Variants in NCALD observed in about 807,000 individuals in gnomAD.
NCALD encodes neurocalcin-delta.
In NCALD, 10 loss-of-function variants were observed where a neutral mutation model predicts 18.6. The observed-to-expected ratio is 0.54, with a 90% confidence interval of 0.33 to 0.91. The LOEUF (loss-of-function observed/expected upper bound fraction) is 0.91. NCALD is among the 40% of genes least tolerant of loss of function. The pLI, the probability that NCALD is intolerant of heterozygous loss-of-function variation, is 0.03. For missense variants in NCALD, 184 were observed against 247.6 expected, an observed-to-expected ratio of 0.74 and a Z score of 1.72; for synonymous variants, 88 against 87.4, an observed-to-expected ratio of 1.01 and a Z score of -0.04.
intron 1 of NCALD, among the ~76,000 whole-genome samples, chr8:102,037,279 T>G (rs1170382336): frequency 6.6e-6 from 1 of 152,198 alleles, no homozygotes. Context: ...CATAGAAAAG[T>G]TAAGTAACTT....
chr8:102,001,384 C>A (rs1223721498), intron 2 of NCALD, among the ~76,000 whole-genome samples: 1 of 152,152 alleles, frequency 6.6e-6, no homozygotes, highest in South Asian at 2.1e-4. Flanking sequence ...TGTGAAAAGA[C>A]CAAATCTACG....
intron 1 of NCALD, among the ~76,000 whole-genome samples, chr8:102,074,573 G>T (rs1188194284): frequency 2.0e-5 from 3 of 152,090 alleles, no homozygotes; most frequent in Non-Finnish European, 4.4e-5. Flanking sequence ...CCAGACTGAT[G>T]ACCTGTATAC....
At chr8:102,058,175 G>A (rs1434832803) in intron 1 of NCALD, among the ~76,000 whole-genome samples, 3 of 152,212 alleles carry the variant, frequency 2.0e-5, no homozygotes, top group Non-Finnish European at 4.4e-5. Flanking sequence ...AGAAAGGAAG[G>A]TGAGCAAGAT....
At chr8:102,106,073 A>G (rs561890219) in intron 1 of NCALD, among the ~76,000 whole-genome samples, 2 of 143,904 alleles carry the variant, frequency 1.4e-5, no homozygotes, top group African/African-American at 5.1e-5. Flanking sequence ...TAGAACAACA[A>G]TTTTTTTTTT....
intron 1 of NCALD, among the ~76,000 whole-genome samples, chr8:101,724,330 T>C (rs76440624): frequency 2.0e-5 from 3 of 152,322 alleles, no homozygotes; most frequent in Non-Finnish European, 4.4e-5. Flanking sequence ...TCAAAAAAGT[T>C]TGTAGATAAC....
At chr8:101,695,535 C>T (rs1814950317) in intron 2 of NCALD, among the ~76,000 whole-genome samples, 1 of 152,126 alleles carries the variant, frequency 6.6e-6, no homozygotes, top group African/African-American at 2.4e-5. Flanking sequence ...ATTCTTCTCT[C>T]ACCTGAGTGC....
At chr8:101,756,929 G>A (rs1810906993) in intron 1 of NCALD, among the ~76,000 whole-genome samples, 1 of 152,212 alleles carries the variant, frequency 6.6e-6, no homozygotes, top group Admixed American at 6.5e-5. Context: ...CAACATGGGT[G>A]TGGCTGAGAA....
At chr8:102,013,977 G>T (rs1210861920) in intron 2 of NCALD, among the ~76,000 whole-genome samples, 1 of 152,212 alleles carries the variant, frequency 6.6e-6, no homozygotes, top group Non-Finnish European at 1.5e-5. Flanking sequence ...CTCTTGGCAA[G>T]AAGCTTGTCA....
chr8:101,835,109 A>G (rs1355004912), intron 4 of NCALD, among the ~76,000 whole-genome samples: 1 of 152,258 alleles, frequency 6.6e-6, no homozygotes, highest in African/African-American at 2.4e-5. Flanking sequence ...AATCTTACAT[A>G]GAAGTCCAAT....
At chr8:102,035,951 C>T (rs1252827480) in intron 1 of NCALD, among the ~76,000 whole-genome samples, 2 of 151,908 alleles carry the variant, frequency 1.3e-5, no homozygotes, top group Non-Finnish European at 2.9e-5. Flanking sequence ...TAATACTAAA[C>T]AGTTTGAAGA....
At position 101,879,860 on chromosome 8, in the gene NCALD, A is replaced by C. The variant is rs534839981; in HGVS notation, c.-20+7281T>G. On this transcript the variant is annotated intron_variant, in intron 4 of 6. Coordinates refer to the NCALD transcript ENST00000311028. ...TGACTGGTGCATTTACAATCCTCCA[A>C]CTAGACATAAAAGTCCTCCAAGTCC... 2.0e-5 allele frequency among the ~76,000 whole-genome samples: 3 copies of C among 152,254 alleles called. No individual in the cohort carries two copies. The South Asian group carries it at 6.2e-4, about 32-fold the overall frequency.
At chr8:101,913,150 C>CT (rs1817859957) in intron 3 of NCALD, among the ~76,000 whole-genome samples, 2 of 152,216 alleles carry the variant, frequency 1.3e-5, no homozygotes, top group African/African-American at 4.8e-5. Flanking sequence ...GAGGCCCAAG[C>CT]TGTACTCAGA....
chr8:101,772,315 C>T (rs113762577), intron 1 of NCALD, among the ~76,000 whole-genome samples: 4,180 of 152,304 alleles, frequency 0.027, 92 homozygotes, highest in Middle Eastern at 0.048. Context: ...AACCCTAGAA[C>T]CAGCCTTCTG....
At chr8:101,775,079 A>G (rs1236082695) in intron 1 of NCALD, among the ~76,000 whole-genome samples, 3 of 152,166 alleles carry the variant, frequency 2.0e-5, no homozygotes, top group African/African-American at 7.2e-5. Flanking sequence ...AGTGATCTGG[A>G]CTGAGAACTT....
chr8:101,727,538 G>T, intron 1 of NCALD, among the ~76,000 whole-genome samples: 1 of 152,186 alleles, frequency 6.6e-6, no homozygotes, highest in Non-Finnish European at 1.5e-5. Context: ...TCACAGGCAA[G>T]ATTGTGGTGC....
At position 101,971,512 on chromosome 8, in the gene NCALD, C is replaced by T. The variant is rs568399702; in HGVS notation, c.-157+48725G>A. On this transcript the variant is annotated intron_variant, in intron 2 of 6. Transcript: ENST00000311028. Reference sequence around the variant, plus strand: ...GGGCTCTTCCCACTTTGCTCATTTGCTCTCTCTTGTCTGCTGCCATGTAAG... The same window carrying T: ...GGGCTCTTCCCACTTTGCTCATTTGTTCTCTCTTGTCTGCTGCCATGTAAG... Among the ~76,000 whole-genome samples, 31 of 152,144 alleles carry T rather than the reference C, an allele frequency of 2.0e-4. No individual in the cohort carries two copies. The South Asian group carries it at 6.4e-3, about 32-fold the overall frequency.
At chr8:101,792,050 A>C (rs1812466190), upstream of NCALD, among the ~76,000 whole-genome samples, 1 of 152,210 alleles carries the variant, frequency 6.6e-6, no homozygotes, top group Non-Finnish European at 1.5e-5. Flanking sequence ...ACTCTGAAAA[A>C]GACATTCAGA....
intron 3 of NCALD, among the ~76,000 whole-genome samples, chr8:101,898,595 G>T (rs1817298950): frequency 1.3e-5 from 2 of 151,984 alleles, no homozygotes; most frequent in African/African-American, 4.8e-5. Context: ...ACAGTCCATA[G>T]GTATTGAAGA....
chr8:101,779,397 T>G (rs1305486561), intron 1 of NCALD, among the ~76,000 whole-genome samples: 1 of 152,190 alleles, frequency 6.6e-6, no homozygotes, highest in African/African-American at 2.4e-5. Context: ...ATGCCACATA[T>G]GTACTGAAGA....
Sources: allele counts gnomAD v4.1 joint callset (sites outside exome capture counted in the v4.1 genomes callset), GRCh38; gene constraint gnomAD v4.1.1; transcripts MANE v1.5; gene names NCBI Gene and HGNC (gene_info 2026-07-23, HGNC 2026-07-21).